SPATA16: variants seen among roughly 807,000 people sequenced by gnomAD.
The protein encoded by SPATA16 is spermatogenesis-associated protein 16.
SPATA16 carries 36 observed loss-of-function variants against 63.3 expected under a neutral mutation model. The ratio of observed to expected loss-of-function variants is 0.57; its 90% CI spans 0.44 to 0.75. The LOEUF is 0.75. Among genes scored for constraint, SPATA16 ranks in the 30% least tolerant of loss-of-function variants. SPATA16 has a pLI of 0.00. For synonymous variants in SPATA16, 203 were observed against 216.7 expected (o/e 0.94, Z 0.56); for missense variants, 646 against 679.3 (o/e 0.95, Z 0.54).
intron 2 of SPATA16, among the ~76,000 whole-genome samples, chr3:173,054,266 CAGCAACCCCATTACTGG>C (rs1736165756): frequency 6.6e-6 from 1 of 151,972 alleles, no homozygotes; most frequent in Admixed American, 6.6e-5. Flanking sequence ...ACACAGGACC[CAGCAACCCCATTACTGG>C]GTATATACCC....
chr3:173,049,228 A>G, intron 2 of SPATA16, 134 bp from the exon 3 acceptor site: 1 of 874,590 alleles, frequency 1.1e-6, no homozygotes, highest in South Asian at 1.9e-5. Flanking sequence ...GTATATGTTA[A>G]AAGTATATAT....
intron 5 of SPATA16, among the ~76,000 whole-genome samples, chr3:172,962,767 T>C (rs1176302870): frequency 6.6e-6 from 1 of 152,166 alleles, no homozygotes; most frequent in Non-Finnish European, 1.5e-5. Flanking sequence ...TATAAATGAT[T>C]GAGGTAGGTA....
chr3:173,117,680 G>C lies in SPATA16; in HGVS notation c.52C>G (p.His18Asp), dbSNP rs1353618627. ...SLENAVNRIY[H>D]DQLVPKINTS... is the part of the protein sequence containing the mutation. The stretch of plus-strand genomic sequence containing the variant: ...TTTATCTTTGGAACAAGCTGATCAT[G>C]ATAGATCCTATTCACTGCATTCTCC... The change falls in exon 2 of 11, where the codon CAT (histidine) becomes GAT (aspartate). Residue 18 changes from histidine to aspartate, a missense_variant. Transcript: ENST00000351008. 6.2e-7 allele frequency: 1 copy of C among 1,614,086 alleles called. No homozygotes were observed. Among genetic ancestry groups the C allele is most frequent in the Non-Finnish European group, 8.5e-7 (1 of 1,180,000 alleles).
chr3:172,926,118 G>A (rs544846066), intron 6 of SPATA16, among the ~76,000 whole-genome samples: 135 of 152,082 alleles, frequency 8.9e-4, no homozygotes, highest in African/African-American at 3.1e-3. Context: ...GAGCCACTGC[G>A]CTCAGCTGAG....
intron 4 of SPATA16, among the ~76,000 whole-genome samples, chr3:172,993,185 G>T (rs943924343): frequency 7.1e-6 from 1 of 140,692 alleles, no homozygotes; most frequent in Non-Finnish European, 1.5e-5. Flanking sequence ...ACCTTTGTTG[G>T]ATTTTAAAAT....
intron 3 of SPATA16, among the ~76,000 whole-genome samples, chr3:173,046,415 G>T (rs1251786710): frequency 1.3e-5 from 2 of 151,946 alleles, no homozygotes; most frequent in African/African-American, 4.8e-5. Context: ...TATCTCTGTT[G>T]ATCTTAAAAC....
chr3:173,076,222 T>C (rs1020920323), intron 2 of SPATA16, among the ~76,000 whole-genome samples: 2 of 152,176 alleles, frequency 1.3e-5, no homozygotes, highest in Non-Finnish European at 2.9e-5. Context: ...TCGCTATCTT[T>C]TAAAATTTTC....
At position 172,889,358 on chromosome 3, in the gene SPATA16, CA is replaced by C; in HGVS notation, c.*211del. 1.5e-6 allele frequency: 1 copy of C among 681,206 alleles called. No individual in the cohort carries two copies. Among genetic ancestry groups the C allele is most frequent in the Non-Finnish European group, 2.5e-6 (1 of 408,010 alleles). The allele number at this position is 681,206 out of a possible 1,614,324, so 42.2% of individuals were successfully genotyped here. A position where few individuals can be genotyped will look rare whatever the true frequency, so the allele number is the denominator to read the frequency against. On this transcript the variant is annotated 3_prime_UTR_variant, in exon 11 of 11. Transcript: ENST00000351008. ...AAACAAGAAAAATCTGAACAAAAGT[CA>C]AGTCAAACTTGCTGAGAATATTTAT...
chr3:172,907,449 C>T (rs1341010251), intron 10 of SPATA16, among the ~76,000 whole-genome samples: 1 of 152,154 alleles, frequency 6.6e-6, no homozygotes, highest in African/African-American at 2.4e-5. Flanking sequence ...GCTTAGAGTG[C>T]TTCTTTGCAA....
intron 1 of SPATA16, among the ~76,000 whole-genome samples, chr3:173,121,546 C>CT (rs1738072313): frequency 6.6e-6 from 1 of 151,992 alleles, no homozygotes; most frequent in African/African-American, 2.4e-5. Context: ...TTTATAGCAC[C>CT]TTTTTTATTT....
intron 6 of SPATA16, among the ~76,000 whole-genome samples, chr3:172,935,847 T>C (rs1354590454): frequency 1.3e-5 from 2 of 152,162 alleles, no homozygotes; most frequent in Non-Finnish European, 2.9e-5. Flanking sequence ...ACCTGGGTAG[T>C]TTAGGAACTC....
chr3:173,039,007 T>C (rs937492492), intron 3 of SPATA16, among the ~76,000 whole-genome samples: 4 of 152,128 alleles, frequency 2.6e-5, no homozygotes, highest in African/African-American at 9.7e-5. Flanking sequence ...TTCAGGCCTT[T>C]GATTTCTGAA....
In SPATA16 at chr3:173,117,420, G is replaced by C; in HGVS notation, c.312C>G (p.Asp104Glu). The stretch of plus-strand genomic sequence containing the variant: ...GCAGAGGCATGGTGATTAACTGATT[G>C]TCAAGTTCTGTTATCTTTGCCTGTT... ...RKKQAKITEL[D>E]NQLITMPLPH... Residue 104 changes from aspartate to glutamate, a missense_variant, in exon 2 of 11, where the codon GAC becomes GAG. Asp to Glu is a conservative substitution (Grantham distance 45). Coordinates refer to ENST00000351008, the MANE Select transcript of SPATA16 (RefSeq NM_031955.6). The C allele has an allele frequency of 6.2e-7, 1 of 1,614,126 alleles. No homozygotes were observed. The highest frequency in any genetic ancestry group is 8.5e-7 in the Non-Finnish European group (1 of 1,180,002).
chr3:172,960,234 T>G (rs1733718310), intron 5 of SPATA16, among the ~76,000 whole-genome samples: 1 of 152,182 alleles, frequency 6.6e-6, no homozygotes. Flanking sequence ...CTTCTTAATT[T>G]GACATAAATA....
intron 5 of SPATA16, among the ~76,000 whole-genome samples, chr3:172,972,677 C>CT (rs145583921): frequency 0.03 from 4,548 of 150,814 alleles, 179 homozygotes; most frequent in African/African-American, 0.1. Context: ...AAACTATAAG[C>CT]TTTTTTTTTG....
intron 2 of SPATA16, among the ~76,000 whole-genome samples, chr3:173,115,113 G>C (rs1737860045): frequency 1.3e-5 from 2 of 152,156 alleles, no homozygotes; most frequent in Admixed American, 6.5e-5. Flanking sequence ...GGGAAGGAGA[G>C]AGAGAGAAAC....
At chr3:172,890,185 T>C (rs1731865261) in intron 10 of SPATA16, among the ~76,000 whole-genome samples, 1 of 152,126 alleles carries the variant, frequency 6.6e-6, no homozygotes. Flanking sequence ...AAGAATCATG[T>C]CTCCTTTCAA....
At chr3:173,030,165 A>G (rs1735570248) in intron 3 of SPATA16, among the ~76,000 whole-genome samples, 1 of 143,890 alleles carries the variant, frequency 6.9e-6, no homozygotes, top group Non-Finnish European at 1.5e-5. Context: ...TAGCTTATAA[A>G]ATACTTATGA....
At chr3:173,083,360 A>G (rs964762306) in intron 2 of SPATA16, among the ~76,000 whole-genome samples, 20 of 152,332 alleles carry the variant, frequency 1.3e-4, no homozygotes, top group South Asian at 6.2e-4. Flanking sequence ...GTTATATCAC[A>G]TTGATAGAGT....
Sources: gnomAD v4.1 joint callset for allele counts (sites outside exome capture counted in the v4.1 genomes callset) on GRCh38, gnomAD v4.1.1 for gene constraint, MANE v1.5 for transcripts, NCBI Gene and HGNC (gene_info 2026-07-23, HGNC 2026-07-21) for gene names.